MROH2A: variants seen among roughly 807,000 people sequenced by gnomAD.
MROH2A encodes maestro heat-like repeat-containing protein family member 2A.
Under a neutral mutation model 200.4 loss-of-function variants are expected in MROH2A, and 174 were observed. The observed-to-expected ratio is 0.87, with a 90% CI of 0.77 to 0.98. The LOEUF is 0.98. Ranked by LOEUF, MROH2A falls within the 50% of genes least tolerant of loss-of-function variation. The pLI, the probability that MROH2A is intolerant of heterozygous loss-of-function variation, is 0.00. For synonymous variants in MROH2A, 829 were observed against 840.4 expected, an observed-to-expected ratio of 0.99 and a Z score of 0.23; for missense variants, 2,045 against 2,139.6, an observed-to-expected ratio of 0.96 and a Z score of 0.87.
intron 38 of MROH2A, 147 bp downstream of exon 38, chr2:233,829,922 C>A: frequency 1.4e-6 from 1 of 729,092 alleles, no homozygotes; most frequent in Non-Finnish European, 1.9e-6. Context: ...ACAGCCTGCT[C>A]CCTGCTGTCC....
chr2:233,790,908 AT>A (rs1701719270), intron 5 of MROH2A, among the ~76,000 whole-genome samples: 1 of 152,160 alleles, frequency 6.6e-6, no homozygotes, highest in Admixed American at 6.5e-5. Flanking sequence ...GGCGTTTGAG[AT>A]CTGGCTAAGG....
intron 5 of MROH2A, among the ~76,000 whole-genome samples, chr2:233,791,152 C>A (rs1202174138): frequency 6.6e-6 from 1 of 152,166 alleles, no homozygotes; most frequent in Admixed American, 6.5e-5. Context: ...CAGGCAGGGC[C>A]TTGGGGACGT....
intron 34 of MROH2A, 145 bp from the exon 35 acceptor site, chr2:233,823,411 G>A (rs942969028): frequency 6.0e-6 from 6 of 1,001,760 alleles, no homozygotes; most frequent in Admixed American, 5.6e-5. Context: ...GGAAGAGGAG[G>A]GAGAAACCCA....
intron 3 of MROH2A, among the ~76,000 whole-genome samples, chr2:233,788,253 G>T (rs189382490): frequency 1.1e-5 from 1 of 89,562 alleles, no homozygotes; most frequent in East Asian, 2.7e-4. Flanking sequence ...AAGTCTAAAT[G>T]TCCTTGGGAG....
chr2:233,809,361 A>G, intron 22 of MROH2A, 83 bp downstream of exon 22: 2 of 1,442,112 alleles, frequency 1.4e-6, no homozygotes, highest in Non-Finnish European at 1.9e-6. Flanking sequence ...GGGCTCCTGC[A>G]TCCCTACCCA....
At chr2:233,804,978 C>T (rs1702697068) in intron 18 of MROH2A, 26 bp from the exon 19 acceptor site, 1 of 1,460,266 alleles carries the variant, frequency 6.8e-7, no homozygotes, top group Non-Finnish European at 9.4e-7. Context: ...TTTGGCCCTT[C>T]TCACCAACGT....
At chr2:233,823,055 G>T in intron 34 of MROH2A, 37 bp downstream of exon 34, 1 of 1,547,106 alleles carries the variant, frequency 6.5e-7, no homozygotes, top group Non-Finnish European at 8.7e-7. Flanking sequence ...AGGGGGACCT[G>T]CAGAGGCACC....
Position 233,825,576 on chromosome 2 carries a change from A to T in MROH2A, c.4113+1912A>T, listed in dbSNP as rs190734532. ...CTTTTCTGCACCTATTGAGATAATC[A>T]TGTGGTTTTGTCTTTAGGTCTGTTT... is the stretch of plus-strand genomic sequence containing the variant. On this transcript the variant is annotated intron_variant, in intron 35 of 41. Coordinates refer to ENST00000389758, the MANE Select transcript of MROH2A (RefSeq NM_001394639.1). Among the ~76,000 whole-genome samples the T allele has an allele frequency of 1.7e-3, 263 of 152,256 alleles. 1 individual carries two copies. Among genetic ancestry groups the T allele is most frequent in the Non-Finnish European group, 3.1e-3 (213 of 68,032 alleles).
Position 233,820,123 on chromosome 2 carries a change from G to A in MROH2A, c.3512+67G>A, listed in dbSNP as rs1012892811. On this transcript the variant is annotated intron_variant, in intron 31 of 41. Transcript: ENST00000389758. The surrounding 1 kb of genome is among the most constrained non-coding windows in gnomAD (Gnocchi z 4.1). The stretch of plus-strand genomic sequence containing the variant: ...TTGACCATGCCCAACTCACCACCCC[G>A]ATGTGTCCCAGAAGCCTGGAGCCTT... 4.4e-6 allele frequency: 6 copies of A among 1,379,278 alleles called. No homozygotes were observed. The highest frequency in any genetic ancestry group is 1.5e-5 in the South Asian group (1 of 65,640). The allele number at this position is 1,379,278 out of a possible 1,614,324, so 85.4% of individuals were successfully genotyped here. A position where few individuals can be genotyped will look rare whatever the true frequency, so the allele number is the denominator to read the frequency against.
chr2:233,796,210 C>T lies in MROH2A; in HGVS notation c.1149C>T (p.Tyr383=). The T allele has an allele frequency of 1.3e-6, 2 of 1,549,752 alleles. No homozygotes were observed. The highest frequency in any genetic ancestry group is 8.7e-7 in the Non-Finnish European group (1 of 1,146,302). The change falls in exon 11 of 42, where the codon TAC becomes TAT. Residue 383 remains tyrosine, a synonymous_variant. Transcript: ENST00000389758. The stretch of plus-strand genomic sequence containing the variant: ...CCTTCCACCCTGCAGCTCGCTCCTA[C>T]CCCAAGGAGCTGATGAAGTTCTTCT... The part of the protein sequence containing the change: ...VHCFVALARS[Y]PKELMKFFFS...
At chr2:233,831,287 C>T (rs1369493264) in intron 38 of MROH2A, 122 bp from the exon 39 acceptor site, 34 of 1,292,950 alleles carry the variant, frequency 2.6e-5, no homozygotes, top group Non-Finnish European at 1.2e-5. Flanking sequence ...GCCACCAGCC[C>T]TGCCTTTCTT....
In MROH2A at chr2:233,829,640, G is replaced by C. The variant is rs1387277295; in HGVS notation, c.4467G>C (p.Leu1489=). The change falls in exon 38 of 42, where the codon CTG becomes CTC. Residue 1489 remains leucine (L), a synonymous_variant. Coordinates refer to ENST00000389758, the MANE Select transcript of MROH2A (RefSeq NM_001394639.1). The stretch of plus-strand genomic sequence containing the variant: ...CACAGGAGAGCGAGCTGCTGCGTCT[G>C]AAAGCCTTCATCCTCTTTGGAAAGC... The part of the protein sequence containing the change: ...FFDNESELLR[L]KAFILFGKLA... 1 of 1,448,340 alleles carries C rather than the reference G, an allele frequency of 6.9e-7. No individual in the cohort carries two copies. Among genetic ancestry groups the C allele is most frequent in the Non-Finnish European group, 9.1e-7 (1 of 1,098,224 alleles). The allele number at this position is 1,448,340 out of a possible 1,614,324, so 89.7% of individuals were successfully genotyped here.
Position 233,818,038 on chromosome 2 carries a change from G to A in MROH2A, c.2998G>A (p.Gly1000Arg), listed in dbSNP as rs926168214. 29 of 1,550,872 alleles carry A rather than the reference G, an allele frequency of 1.9e-5. No homozygotes were observed. Among genetic ancestry groups the A allele is most frequent in the Admixed American group, 5.9e-5 (3 of 50,990 alleles). Residue 1000 changes from glycine to arginine, a missense_variant, in exon 28 of 42, where the codon GGA becomes AGA. Coordinates refer to ENST00000389758, the MANE Select transcript of MROH2A (RefSeq NM_001394639.1). ...GCTGGGGCAGTTTGGCACAATGGTC[G>A]GACTCATTGCCCCGTGCACCTGTGA... ...LKLGQFGTMV[G>R]LIAPCTCDAH...
chr2:233,784,320 A>G (rs1454653300), intron 3 of MROH2A, among the ~76,000 whole-genome samples: 1 of 152,202 alleles, frequency 6.6e-6, no homozygotes, highest in Non-Finnish European at 1.5e-5. Context: ...GCAATATATT[A>G]CATAATTTCT....
chr2:233,791,069 C>T (rs1235483106), intron 5 of MROH2A, among the ~76,000 whole-genome samples: 1 of 152,162 alleles, frequency 6.6e-6, no homozygotes, highest in African/African-American at 2.4e-5. Context: ...CAGAGAAGAG[C>T]TTGGAATCTC....
At position 233,829,772 on chromosome 2, in the gene MROH2A, C is replaced by T; in HGVS notation, c.4599C>T (p.Ala1533=). ...CCCAGGACCCCTGCTCCAATGCAGC[C>T]CAAGTAAGATACATCCTGGGCTTTG... ...LHSQDPCSNA[A]QACMATMFQC... is the part of the protein sequence containing the mutation. Residue 1533 remains alanine, a synonymous_variant, in exon 38 of 42, where the codon GCC becomes GCT. Coordinates refer to ENST00000389758, the MANE Select transcript of MROH2A (RefSeq NM_001394639.1). 7.3e-7 allele frequency: 1 copy of T among 1,368,414 alleles called. No homozygotes were observed. Among genetic ancestry groups the T allele is most frequent in the Non-Finnish European group, 9.5e-7 (1 of 1,054,082 alleles). The allele number at this position is 1,368,414 out of a possible 1,614,324, so 84.8% of individuals were successfully genotyped here.
At chr2:233,814,807 C>A in intron 26 of MROH2A, 130 bp downstream of exon 26, 1 of 602,938 alleles carries the variant, frequency 1.7e-6, no homozygotes, top group Admixed American at 3.6e-5. Flanking sequence ...TTATAAAATT[C>A]CAGATCTGCT....
intron 38 of MROH2A, among the ~76,000 whole-genome samples, chr2:233,830,611 TGGG>T (rs1230911970): frequency 6.3e-5 from 4 of 63,990 alleles, no homozygotes; most frequent in African/African-American, 1.5e-4. Context: ...GTGGCCCAGG[TGGG>T]ATGGCCCAGG....
At position 233,792,884 on chromosome 2, in the gene MROH2A, G is replaced by C. The variant is rs183552207; in HGVS notation, c.660G>C (p.Ala220=). 1 of 1,550,396 alleles carries C rather than the reference G, an allele frequency of 6.4e-7. No individual in the cohort carries two copies. The highest frequency in any genetic ancestry group is 1.4e-5 in the African/African-American group (1 of 73,050). ...CCAATGAAGCCAAGATACGCCAGGCGATCTGCAGTGGTGAGTGTCCCACTT... is the reference window on the plus strand; with the variant it reads ...CCAATGAAGCCAAGATACGCCAGGCCATCTGCAGTGGTGAGTGTCCCACTT... The part of the protein sequence containing the change: ...RLANEAKIRQ[A]ICSAMETFCE... Residue 220 remains alanine (A), a synonymous_variant, in exon 6 of 42, where the codon GCG becomes GCC. Transcript: ENST00000389758.
Sources: gnomAD v4.1 joint callset for allele counts (sites outside exome capture counted in the v4.1 genomes callset) on GRCh38, gnomAD v4.1.1 for gene constraint, Gnocchi (gnomAD v3.1) non-coding constraint, MANE v1.5 for transcripts, NCBI Gene and HGNC (gene_info 2026-07-23, HGNC 2026-07-21) for gene names.